The following ACSM1 variants were observed in gnomAD, a reference collection of about 807,000 sequenced individuals.
ACSM1 encodes acyl-coenzyme A synthetase ACSM1, mitochondrial.
Under a neutral mutation model 75.8 loss-of-function variants are expected in ACSM1, and 79 were observed. The ratio of observed to expected loss-of-function variants is 1.04; its 90% confidence interval spans 0.87 to 1.26. The LOEUF (loss-of-function observed/expected upper bound fraction) is 1.26. ACSM1 is among the 50% of genes most tolerant of loss of function. The pLI, the probability that ACSM1 is intolerant of heterozygous loss-of-function variation, is 0.00. For synonymous variants in ACSM1, 279 were observed against 265.8 expected (o/e 1.05, Z -0.48); for missense variants, 676 against 720.1 (o/e 0.94, Z 0.70).
At chr16:20,630,773 C>T (rs1443401538) in intron 10 of ACSM1, among the ~76,000 whole-genome samples, 2 of 151,950 alleles carry the variant, frequency 1.3e-5, no homozygotes, top group Non-Finnish European at 2.9e-5. Context: ...ATATATTAGG[C>T]CAGAAGAGAA....
chr16:20,634,372 C>A (rs1226299271), intron 10 of ACSM1, among the ~76,000 whole-genome samples: 1 of 152,134 alleles, frequency 6.6e-6, no homozygotes, highest in Non-Finnish European at 1.5e-5. Flanking sequence ...GAAGCAGGAA[C>A]TTGAACAGAT....
intron 2 of ACSM1, among the ~76,000 whole-genome samples, chr16:20,688,551 G>A (rs558199454): frequency 7.6e-4 from 116 of 152,152 alleles, no homozygotes; most frequent in African/African-American, 2.6e-3. Context: ...TCATGTACAA[G>A]AGATTCTCAA....
Position 20,654,850 on chromosome 16 carries a change from A to G in ACSM1, c.992+6944T>C, listed in dbSNP as rs562676551. 2.0e-4 allele frequency among the ~76,000 whole-genome samples: 31 copies of G among 152,344 alleles called. No individual in the cohort carries two copies. In the South Asian group the frequency reaches 2.7e-3, roughly 13 times the overall value. On this transcript the variant is annotated intron_variant, in intron 7 of 13. Coordinates refer to ENST00000520010, the MANE Select transcript of ACSM1 (RefSeq NM_001318890.3). ...TGGAAGACAGTGTGGCAATTCCTCA[A>G]GGATCTAGAACTAGAAATACCATTT...
chr16:20,653,860 C>T (rs995140591), intron 7 of ACSM1, among the ~76,000 whole-genome samples: 4 of 152,186 alleles, frequency 2.6e-5, no homozygotes, highest in Non-Finnish European at 5.9e-5. Context: ...ATGCCATCCC[C>T]ATCAAGCTAC....
intron 5 of ACSM1, among the ~76,000 whole-genome samples, chr16:20,671,310 C>G (rs756504182): frequency 2.0e-5 from 3 of 152,092 alleles, no homozygotes; most frequent in Non-Finnish European, 2.9e-5. Flanking sequence ...TCCTTTGTCA[C>G]TCTCAGGCCT....
At chr16:20,682,229 A>T in intron 4 of ACSM1, 27 bp downstream of exon 4, 2 of 1,606,466 alleles carry the variant, frequency 1.2e-6, no homozygotes, top group Non-Finnish European at 1.7e-6. Flanking sequence ...GTACTCAGAG[A>T]TTATATTCAT....
chr16:20,689,393 A>G (rs1054094517), intron 2 of ACSM1, among the ~76,000 whole-genome samples: 2 of 152,118 alleles, frequency 1.3e-5, no homozygotes, highest in African/African-American at 4.8e-5. Flanking sequence ...AGGAAATGAG[A>G]GACAGAAAAG....
chr16:20,685,854 C>T (rs1473589657), intron 2 of ACSM1, among the ~76,000 whole-genome samples: 4 of 94,794 alleles, frequency 4.2e-5, no homozygotes, highest in Non-Finnish European at 8.1e-5. Flanking sequence ...AAACAAAAAA[C>T]TTATAGCATC....
intron 6 of ACSM1, among the ~76,000 whole-genome samples, chr16:20,663,488 C>T (rs1043423680): frequency 4.6e-5 from 7 of 152,132 alleles, no homozygotes; most frequent in South Asian, 2.1e-4. Context: ...TCCTTTGACT[C>T]CGCCGGACTT....
At chr16:20,680,516 C>T (rs1235172969) in intron 4 of ACSM1, 2 of 152,212 alleles carry the variant, frequency 1.3e-5, no homozygotes, top group African/African-American at 4.8e-5. Context: ...GAATTAATGC[C>T]ACAAGATAAC....
chr16:20,636,105 T>C (rs1341390117), intron 10 of ACSM1, among the ~76,000 whole-genome samples: 1 of 152,152 alleles, frequency 6.6e-6, no homozygotes, highest in Non-Finnish European at 1.5e-5. Context: ...AAAGTGTCTT[T>C]AGAGAAAGGA....
Position 20,661,774 on chromosome 16 carries a change from A to G in ACSM1, c.992+20T>C. On this transcript the variant is annotated intron_variant, in intron 7 of 13. Transcript: ENST00000520010. ...TAAAATCTTACCCAAAGATGTTGTT[A>G]CAAGCCACTTCTACCATACCTGGTG... is the stretch of plus-strand genomic sequence containing the variant. The G allele has an allele frequency of 3.8e-6, 6 of 1,579,492 alleles. No homozygotes were observed. The highest frequency in any genetic ancestry group is 5.2e-6 in the Non-Finnish European group (6 of 1,150,544).
intron 4 of ACSM1, 197 bp downstream of exon 4, chr16:20,682,059 T>G: frequency 1.8e-6 from 1 of 549,994 alleles, no homozygotes; most frequent in South Asian, 2.1e-5. Flanking sequence ...TGCACAGATC[T>G]CCCCTCTCAC....
intron 10 of ACSM1, among the ~76,000 whole-genome samples, chr16:20,630,339 G>C (rs151330): frequency 0.016 from 2,462 of 151,762 alleles, 56 homozygotes; most frequent in African/African-American, 0.056. Flanking sequence ...CACCTGCCTC[G>C]GCCTCCCAAA....
chr16:20,635,562 C>T (rs941228973), intron 10 of ACSM1, among the ~76,000 whole-genome samples: 1 of 151,494 alleles, frequency 6.6e-6, no homozygotes. Flanking sequence ...TATGTGTTAC[C>T]CCATGTTTAA....
chr16:20,627,532 T>C lies in ACSM1; in HGVS notation c.1300-216A>G, dbSNP rs1488470938. On this transcript the variant is annotated intron_variant, in intron 10 of 13. Coordinates refer to ENST00000520010, the MANE Select transcript of ACSM1 (RefSeq NM_001318890.3). ...GATTAAACCAATTTCAATGACAATG[T>C]TTAAAAATATCAATTCTGCCACGTG... Among the ~76,000 whole-genome samples the C allele has an allele frequency of 3.9e-5, 6 of 152,220 alleles. 1 individual carries two copies. The highest frequency in any genetic ancestry group is 3.3e-4 in the Admixed American group (5 of 15,288).
At chr16:20,690,022 T>C (rs1375738642) in intron 2 of ACSM1, among the ~76,000 whole-genome samples, 1 of 152,214 alleles carries the variant, frequency 6.6e-6, no homozygotes, top group Non-Finnish European at 1.5e-5. Flanking sequence ...TGCAAGGTGA[T>C]TGCCAAGGCA....
chr16:20,685,298 T>G lies in ACSM1; in HGVS notation c.298A>C (p.Asn100His). ...EMGDLTRRVA[N>H]VFTQTCGLQQ... The stretch of plus-strand genomic sequence containing the variant: ...AGGCCACAGGTCTGTGTGAAGACGT[T>G]GGCTACACGGCGGGTTAGGTCTCCC... Residue 100 changes from asparagine (N) to histidine (H), a missense_variant, in exon 3 of 14, where the codon AAC becomes CAC. Coordinates refer to ENST00000520010, the MANE Select transcript of ACSM1 (RefSeq NM_001318890.3). 1.2e-6 allele frequency: 2 copies of G among 1,614,198 alleles called. No individual in the cohort carries two copies. Among genetic ancestry groups the G allele is most frequent in the South Asian group, 2.2e-5 (2 of 91,086 alleles).
rs779095607 is a variant in ACSM1, at chr16:20,661,858, G to A, written c.928C>T (p.Pro310Ser). 6.2e-7 allele frequency: 1 copy of A among 1,603,768 alleles called. No homozygotes were observed. Among genetic ancestry groups the A allele is most frequent in the Non-Finnish European group, 8.5e-7 (1 of 1,172,720 alleles). The change falls in exon 7 of 14, where the codon CCC (proline) becomes TCC (serine). Residue 310 changes from proline (P) to serine (S), a missense_variant. Pro to Ser is a moderately conservative substitution (Grantham distance 74). Transcript: ENST00000520010. The stretch of plus-strand genomic sequence containing the variant: ...GATACCCCCCAAAAGTGGTTAATGG[G>A]GTATTTCAACAATGTCTGGAAAGGG... The part of the protein sequence containing the change: ...KVIIQTLLKY[P>S]INHFWGVSSI...
Sources: allele counts gnomAD v4.1 joint callset (sites outside exome capture counted in the v4.1 genomes callset), GRCh38; gene constraint gnomAD v4.1.1; transcripts MANE v1.5; gene names NCBI Gene and HGNC (gene_info 2026-07-23, HGNC 2026-07-21).